CD109: variants seen among roughly 807,000 people sequenced by gnomAD.
The protein encoded by CD109 is CD109 antigen.
In CD109, 149 loss-of-function variants were observed where a neutral mutation model predicts 165.8. The observed-to-expected ratio is 0.90, with a 90% confidence interval of 0.79 to 1.03. CD109 has a LOEUF of 1.03. Ranked by LOEUF, CD109 falls within the 50% of genes least tolerant of loss-of-function variation. The pLI, the probability that CD109 is intolerant of heterozygous loss-of-function variation, is 0.00. For missense variants in CD109, 1,712 were observed against 1,677.8 expected, an observed-to-expected ratio of 1.02 and a Z score of -0.36; for synonymous variants, 585 against 592.1, an observed-to-expected ratio of 0.99 and a Z score of 0.18.
Position 73,827,234 on chromosome 6 carries a change from A to AT in CD109, c.*3602dup, listed in dbSNP as rs1182823257. 1.3e-5 allele frequency: 2 copies of AT among 152,134 alleles called. No homozygotes were observed. Among genetic ancestry groups the AT allele is most frequent in the African/African-American group, 4.8e-5 (2 of 41,448 alleles). 9.4% of individuals were successfully genotyped at this position (152,134 alleles called of 1,614,324 possible). On this transcript the variant is annotated 3_prime_UTR_variant, in exon 33 of 33. Transcript: ENST00000287097. ...TATTTGAGTCTGCCAAGTGGTTACC[A>AT]TGGGGCAAGGTGCCATGATGTATTC... is the stretch of plus-strand genomic sequence containing the variant.
intron 23 of CD109, among the ~76,000 whole-genome samples, chr6:73,796,538 T>A (rs1426366080): frequency 6.6e-6 from 1 of 152,224 alleles, no homozygotes; most frequent in South Asian, 2.1e-4. Context: ...AAAATTATCC[T>A]GTCCATCATC....
rs139888398 is a variant in CD109, at chr6:73,810,166, T to A, written c.3538T>A (p.Ser1180Thr). ...AAGAAATAGCTTGGGTGGTTTTGCA[T>A]CTACTCAGGTGAGAGATGATAGTTT... ...RQRNSLGGFA[S>T]TQDTTVALKA... Residue 1180 changes from serine to threonine, a missense_variant, in exon 27 of 33, where the codon TCT becomes ACT. Physicochemically the swap from Ser to Thr is moderately conservative, Grantham distance 58. Transcript: ENST00000287097. 1 of 1,594,800 alleles carries A rather than the reference T, an allele frequency of 6.3e-7. No individual in the cohort carries two copies. The highest frequency in any genetic ancestry group is 1.4e-5 in the African/African-American group (1 of 74,006).
chr6:73,715,651 G>C (rs1771713833), intron 2 of CD109, among the ~76,000 whole-genome samples: 1 of 150,924 alleles, frequency 6.6e-6, no homozygotes, highest in Admixed American at 6.6e-5. Flanking sequence ...TGGATACATA[G>C]AAGATGTATA....
At chr6:73,780,528 A>G (rs1480088213) in intron 16 of CD109, 30 bp downstream of exon 16, 14 of 1,443,626 alleles carry the variant, frequency 9.7e-6, no homozygotes, top group Non-Finnish European at 1.3e-5. Flanking sequence ...TTGAAAAGAT[A>G]TTAATATTTT....
intron 2 of CD109, among the ~76,000 whole-genome samples, chr6:73,712,922 A>C (rs960636114): frequency 1.3e-5 from 2 of 152,212 alleles, no homozygotes; most frequent in Non-Finnish European, 2.9e-5. Context: ...AGAGTGCCAT[A>C]CTGGGTTTCA....
chr6:73,813,794 G>T (rs1304994028), intron 29 of CD109, among the ~76,000 whole-genome samples: 1 of 152,100 alleles, frequency 6.6e-6, no homozygotes, highest in Non-Finnish European at 1.5e-5. Flanking sequence ...TTATGGATGG[G>T]CATTAATTAT....
At chr6:73,717,676 G>A (rs1278704217) in intron 2 of CD109, among the ~76,000 whole-genome samples, 2 of 135,904 alleles carry the variant, frequency 1.5e-5, no homozygotes, top group Non-Finnish European at 3.0e-5. Context: ...CTGGAGTGCA[G>A]TGGCGCAATC....
At chr6:73,805,294 T>G (rs548848095) in intron 24 of CD109, among the ~76,000 whole-genome samples, 1 of 152,336 alleles carries the variant, frequency 6.6e-6, no homozygotes, top group East Asian at 1.9e-4. Context: ...CTGAAACATG[T>G]GCTGTGTCAA....
At chr6:73,748,516 A>G (rs1773066042) in intron 5 of CD109, among the ~76,000 whole-genome samples, 1 of 152,204 alleles carries the variant, frequency 6.6e-6, no homozygotes, top group Non-Finnish European at 1.5e-5. Flanking sequence ...TTTGATAAAT[A>G]TCCTTCTTTC....
intron 31 of CD109, among the ~76,000 whole-genome samples, chr6:73,818,740 G>A (rs570739370): frequency 2.6e-5 from 4 of 152,232 alleles, no homozygotes; most frequent in South Asian, 2.1e-4. Context: ...TATTAATGAC[G>A]AGCCTGATGA....
chr6:73,688,826 G>A, the CD109 span, among the ~76,000 whole-genome samples: 4 of 133,404 alleles, frequency 3.0e-5, no homozygotes, highest in African/African-American at 1.1e-4. Flanking sequence ...CTGGAGTGCA[G>A]CGGTGTAATC....
At chr6:73,809,542 A>G (rs545533856) in intron 26 of CD109, among the ~76,000 whole-genome samples, 1 of 152,276 alleles carries the variant, frequency 6.6e-6, no homozygotes, top group South Asian at 2.1e-4. Context: ...GAAAATTTAC[A>G]AGTATATAGG....
intron 24 of CD109, among the ~76,000 whole-genome samples, chr6:73,805,757 T>G (rs1424365775): frequency 6.6e-6 from 1 of 152,222 alleles, no homozygotes; most frequent in African/African-American, 2.4e-5. Flanking sequence ...TTAACGAGCA[T>G]GCTGCCTTCA....
At chr6:73,737,392 C>T (rs113949635) in intron 5 of CD109, among the ~76,000 whole-genome samples, 22 of 152,142 alleles carry the variant, frequency 1.4e-4, no homozygotes, top group Non-Finnish European at 2.9e-5. Context: ...TGCTTCATGG[C>T]CACCCTGCAT....
rs749783935 is a variant in CD109 at position 73,810,994 on chromosome 6, T to G, written c.3549T>G (p.Asp1183Glu). ...AAATGTTTTTCTTCCCTCAACAGGA[T>G]ACCACTGTGGCTTTAAAGGCTCTGT... ...NSLGGFASTQ[D>E]TTVALKALSE... The change falls in exon 28 of 33, where the codon GAT (aspartate) becomes GAG (glutamate). Residue 1183 changes from aspartate to glutamate, a missense_variant and splice_region_variant. Coordinates refer to ENST00000287097, the MANE Select transcript of CD109 (RefSeq NM_133493.5). The G allele has an allele frequency of 3.1e-6, 5 of 1,612,578 alleles. No homozygotes were observed. The East Asian group carries it at 1.1e-4, about 36-fold the overall frequency.
intron 2 of CD109, among the ~76,000 whole-genome samples, chr6:73,721,936 A>G (rs1274928386): frequency 2.0e-5 from 3 of 151,900 alleles, no homozygotes; most frequent in East Asian, 1.9e-4. Context: ...GGGTTTTGCC[A>G]TGTTGGCCAG....
intron 5 of CD109, among the ~76,000 whole-genome samples, chr6:73,745,945 G>C (rs1303392598): frequency 1.3e-5 from 2 of 152,342 alleles, no homozygotes; most frequent in East Asian, 3.9e-4. Context: ...GGCCAGGCTG[G>C]TCTTGAACTT....
chr6:73,718,218 T>G (rs1439815236), intron 2 of CD109, among the ~76,000 whole-genome samples: 1 of 152,100 alleles, frequency 6.6e-6, no homozygotes, highest in African/African-American at 2.4e-5. Context: ...ACTTCTTCCT[T>G]TCCAATTTGC....
At chr6:73,762,142 T>C (rs1773659318) in intron 7 of CD109, among the ~76,000 whole-genome samples, 1 of 151,792 alleles carries the variant, frequency 6.6e-6, no homozygotes. Context: ...TTTGTATTTT[T>C]AGTAGAGACA....
Sources: gnomAD v4.1 joint callset for allele counts (sites outside exome capture counted in the v4.1 genomes callset) on GRCh38, gnomAD v4.1.1 for gene constraint, MANE v1.5 for transcripts, NCBI Gene and HGNC (gene_info 2026-07-23, HGNC 2026-07-21) for gene names.